The following C3 variants were observed in gnomAD, a reference collection of about 807,000 sequenced individuals.
C3 encodes C3 and PZP-like alpha-2-macroglobulin domain-containing protein 1.
C3 carries 97 observed loss-of-function variants against 207.9 expected under a neutral mutation model. The observed-to-expected ratio is 0.47, with a 90% confidence interval of 0.40 to 0.55. C3 has a LOEUF of 0.55. Among genes scored for constraint, C3 ranks in the 20% least tolerant of loss-of-function variants. The pLI is 0.00. For missense variants in C3, 1,684 were observed against 2,171.7 expected, an observed-to-expected ratio of 0.78 and a Z score of 4.46; for synonymous variants, 848 against 857.6, an observed-to-expected ratio of 0.99 and a Z score of 0.20.
At chr19:6,692,803 G>T in intron 26 of C3, 121 bp downstream of exon 26, 1 of 1,260,810 alleles carries the variant, frequency 7.9e-7, no homozygotes, top group Non-Finnish European at 1.1e-6. Context: ...CCACCCCCCA[G>T]CCCAATCTTT....
Position 6,694,423 on chromosome 19 carries a change from G to A in C3, c.3154+8C>T, listed in dbSNP as rs2145408142. 2 of 1,613,428 alleles carry A rather than the reference G, an allele frequency of 1.2e-6. No homozygotes were observed. The highest frequency in any genetic ancestry group is 1.7e-6 in the Non-Finnish European group (2 of 1,179,440). On this transcript the variant is annotated splice_region_variant and intron_variant, in intron 24 of 40. Transcript: ENST00000245907. Reference sequence around the variant, plus strand: ...CCCTGGGGTCTCCAAGAGGGGCAGGGAGCCCACCCTTCTTGATGAGCTCCA... The same window carrying A: ...CCCTGGGGTCTCCAAGAGGGGCAGGAAGCCCACCCTTCTTGATGAGCTCCA...
At position 6,709,828 on chromosome 19, in the gene C3, G is replaced by T; in HGVS notation, c.1701C>A (p.Ser567Arg). Residue 567 changes from serine (S) to arginine (R), a missense_variant, in exon 14 of 41, where the codon AGC becomes AGA. By Grantham distance (110) the Ser-to-Arg change is moderately radical (BLOSUM62 -1). Coordinates refer to ENST00000245907, the MANE Select transcript of C3 (RefSeq NM_000064.4). Reference sequence around the variant, plus strand: ...CAGGCTGCCGGTCTTCTGACTGGCCGCTTTTTACCACCAGCTGTGGGGAGG... The same window carrying T: ...CAGGCTGCCGGTCTTCTGACTGGCCTCTTTTTACCACCAGCTGTGGGGAGG... ...DSCVGSLVVKSGQSEDRQPVP... is the reference protein window; with the variant it reads ...DSCVGSLVVKRGQSEDRQPVP... The T allele has an allele frequency of 6.2e-7, 1 of 1,613,822 alleles. No homozygotes were observed.
intron 13 of C3, among the ~76,000 whole-genome samples, chr19:6,710,268 G>A (rs1177122646): frequency 7.4e-6 from 1 of 135,784 alleles, no homozygotes; most frequent in Non-Finnish European, 1.6e-5. Context: ...GAGAGGGAGA[G>A]GGAAAGAGAG....
chr19:6,684,815 A>G lies in C3; in HGVS notation c.3989T>C (p.Phe1330Ser). 1 of 1,614,178 alleles carries G rather than the reference A, an allele frequency of 6.2e-7. No individual in the cohort carries two copies. Among genetic ancestry groups the G allele is most frequent in the Non-Finnish European group, 8.5e-7 (1 of 1,180,030 alleles). ...RSEETKENEGFTVTAEGKGQG... is the reference protein window; with the variant it reads ...RSEETKENEGSTVTAEGKGQG... Reference sequence around the variant, plus strand: ...GCCTTTTCCTTCAGCTGTGACTGTGAAACCCTCATTTTCCTTGGTCTGCAG... The same window carrying G: ...GCCTTTTCCTTCAGCTGTGACTGTGGAACCCTCATTTTCCTTGGTCTGCAG... The change falls in exon 31 of 41, where the codon TTC (phenylalanine) becomes TCC (serine). Residue 1330 changes from phenylalanine to serine, a missense_variant. By Grantham distance (155) the Phe-to-Ser change is radical. Coordinates refer to ENST00000245907, the MANE Select transcript of C3 (RefSeq NM_000064.4).
chr19:6,680,350 C>T lies in C3; in HGVS notation c.4351-87G>A, dbSNP rs540117068. Reference sequence around the variant, plus strand: ...GGGAGCTGAGGCAGTGGTGGAGAAACTGAAGGATCAAGGAGGAAGTGGCAA... The same window carrying T: ...GGGAGCTGAGGCAGTGGTGGAGAAATTGAAGGATCAAGGAGGAAGTGGCAA... On this transcript the variant is annotated intron_variant, in intron 35 of 40. Transcript: ENST00000245907. The T allele has an allele frequency of 2.7e-5, 21 of 779,792 alleles. No individual in the cohort carries two copies. In the South Asian group the frequency reaches 2.7e-4, roughly 10 times the overall value. 48.3% of individuals were successfully genotyped at this position (779,792 alleles called of 1,614,324 possible).
chr19:6,685,269 A>G (rs1917974338), intron 29 of C3, 123 bp from the exon 30 acceptor site: 2 of 869,834 alleles, frequency 2.3e-6, no homozygotes, highest in East Asian at 5.3e-5. Flanking sequence ...AACCTACTAG[A>G]GAGTGCAGGG....
chr19:6,711,870 C>T lies in C3; in HGVS notation c.1269+387G>A, dbSNP rs186121777. On this transcript the variant is annotated intron_variant, in intron 11 of 40. Coordinates refer to ENST00000245907, the MANE Select transcript of C3 (RefSeq NM_000064.4). ...AACCCTCCTTGTGAGATTCAGGCTC[C>T]TTCCCCCATGGGAGTGGAAAGACTG... 3.9e-5 allele frequency among the ~76,000 whole-genome samples: 6 copies of T among 152,350 alleles called. No individual in the cohort carries two copies. The East Asian group carries it at 9.6e-4, about 24-fold the overall frequency.
At chr19:6,686,679 A>T in intron 28 of C3, 67 bp downstream of exon 28, 1 of 1,522,954 alleles carries the variant, frequency 6.6e-7, no homozygotes. Flanking sequence ...CATGCATCCC[A>T]GCTCAGTATC....
chr19:6,709,619 A>AAC, intron 14 of C3, 65 bp downstream of exon 14: 14 of 432,262 alleles, frequency 3.2e-5, no homozygotes, highest in Non-Finnish European at 4.8e-5. Flanking sequence ...AGTCCCACCC[A>AAC]CCTCCCCCAG....
rs753526034 is a variant in C3 at position 6,710,681 on chromosome 19, G to A, written c.1644C>T (p.Ala548=). 6.8e-6 allele frequency: 11 copies of A among 1,613,406 alleles called. No homozygotes were observed. The highest frequency in any genetic ancestry group is 1.7e-5 in the Admixed American group (1 of 60,006). Residue 548 remains alanine, a synonymous_variant, in exon 13 of 41, where the codon GCC becomes GCT. Coordinates refer to ENST00000245907, the MANE Select transcript of C3 (RefSeq NM_000064.4). ...CCTTGACGTCCACCCACACGGAGTC[G>A]GCCACCACCTCCCTCTGGCCGCTGG... ...IGASGQREVV[A]DSVWVDVKDS...
chr19:6,677,802 G>C lies in C3; in HGVS notation c.*80C>G. 6.4e-7 allele frequency: 1 copy of C among 1,567,698 alleles called. No individual in the cohort carries two copies. On this transcript the variant is annotated 3_prime_UTR_variant, in exon 41 of 41. Coordinates refer to ENST00000245907, the MANE Select transcript of C3 (RefSeq NM_000064.4). Reference sequence around the variant, plus strand: ...GCAGGTGAGGCGGCTGGGGATTTCAGCCTCTCCCTCTTGGCAAAGAACTCC... The same window carrying C: ...GCAGGTGAGGCGGCTGGGGATTTCACCCTCTCCCTCTTGGCAAAGAACTCC...
At chr19:6,710,925 T>G (rs1438376097) in intron 12 of C3, 62 bp downstream of exon 12, 3 of 1,600,038 alleles carry the variant, frequency 1.9e-6, no homozygotes, top group African/African-American at 2.7e-5. Context: ...GGGGAAGGAG[T>G]CCCAGGGGTG....
chr19:6,711,496 C>A (rs1194615907), intron 11 of C3, among the ~76,000 whole-genome samples: 1 of 152,118 alleles, frequency 6.6e-6, no homozygotes, highest in Non-Finnish European at 1.5e-5. Flanking sequence ...TGAGCCAGGC[C>A]TTTAGGGTGC....
chr19:6,710,857 G>T lies in C3; in HGVS notation c.1480-12C>A. 1.2e-6 allele frequency: 2 copies of T among 1,612,674 alleles called. No individual in the cohort carries two copies. Among genetic ancestry groups the T allele is most frequent in the Non-Finnish European group, 1.7e-6 (2 of 1,178,832 alleles). On this transcript the variant is annotated splice_polypyrimidine_tract_variant and intron_variant, in intron 12 of 40. Coordinates refer to ENST00000245907, the MANE Select transcript of C3 (RefSeq NM_000064.4). Reference sequence around the variant, plus strand: ...CCCTTGTTCATGATCTGGGGGGACAGGCTGGCATCAGGCTGGGGAGGGTGA... The same window carrying T: ...CCCTTGTTCATGATCTGGGGGGACATGCTGGCATCAGGCTGGGGAGGGTGA...
Position 6,680,209 on chromosome 19 carries a change from C to T in C3, c.4405G>A (p.Val1469Ile). Residue 1469 changes from valine (V) to isoleucine (I), a missense_variant, in exon 36 of 41, where the codon GTA becomes ATA. Around this residue, in one of 3 missense-constraint regions of C3, gnomAD observed 346 missense variants for 380.1 expected, o/e 0.91. Coordinates refer to ENST00000245907, the MANE Select transcript of C3 (RefSeq NM_000064.4). ...ACTGCTCCAGGCTGGATAAGCTCTA[C>T]ATTAAAGTATTGGTGAACTTTGAAA... ...LAFKVHQYFNVELIQPGAVKV... is the reference protein window; with the variant it reads ...LAFKVHQYFNIELIQPGAVKV... The T allele has an allele frequency of 6.2e-7, 1 of 1,613,676 alleles. No individual in the cohort carries two copies. The highest frequency in any genetic ancestry group is 8.5e-7 in the Non-Finnish European group (1 of 1,179,622).
intron 27 of C3, among the ~76,000 whole-genome samples, chr19:6,688,134 G>A (rs1376501158): frequency 6.7e-6 from 1 of 149,456 alleles, no homozygotes; most frequent in East Asian, 2.0e-4. Flanking sequence ...GTGAGCCACC[G>A]CGCCTGGCCT....
At chr19:6,699,209 G>A in intron 19 of C3, among the ~76,000 whole-genome samples, 1 of 151,626 alleles carries the variant, frequency 6.6e-6, no homozygotes, top group South Asian at 2.1e-4. Context: ...TTGAGTATGA[G>A]GATCTACCTT....
chr19:6,693,424 G>C lies in C3; in HGVS notation c.3218C>G (p.Ala1073Gly), dbSNP rs370469634. The change falls in exon 25 of 41, where the codon GCA becomes GGA. Residue 1073 changes from alanine to glycine, a missense_variant. Around this residue, in one of 3 missense-constraint regions of C3, gnomAD observed 1,280 missense variants for 1,739.1 expected, o/e 0.74. Coordinates refer to ENST00000245907, the MANE Select transcript of C3 (RefSeq NM_000064.4). ...SSAFAAFVKR[A>G]PSTWLTAYVV... ...TGTTGGGACTCACCAGGTGCTGGGT[G>C]CCCGTTTCACGAAGGCCGCAAAGGC... is the stretch of plus-strand genomic sequence containing the variant. The C allele has an allele frequency of 1.2e-6, 2 of 1,610,952 alleles. No individual in the cohort carries two copies. The highest frequency in any genetic ancestry group is 2.2e-5 in the East Asian group (1 of 44,788).
chr19:6,698,947 C>T (rs1056726483), intron 19 of C3, among the ~76,000 whole-genome samples: 2 of 151,622 alleles, frequency 1.3e-5, no homozygotes, highest in Non-Finnish European at 2.9e-5. Flanking sequence ...GGCACCCACC[C>T]GCATGTCCTG....
Sources: gnomAD v4.1 joint callset for allele counts (sites outside exome capture counted in the v4.1 genomes callset) on GRCh38, gnomAD v4.1.1 for gene constraint, gnomAD v4.1.1 regional missense constraint, MANE v1.5 for transcripts, NCBI Gene and HGNC (gene_info 2026-07-23, HGNC 2026-07-21) for gene names.